Variants in HIBCH observed in about 807,000 individuals in gnomAD.
The protein encoded by HIBCH is 3-hydroxyisobutyryl-CoA hydrolase, mitochondrial.
Under a neutral mutation model 58.2 loss-of-function variants are expected in HIBCH, and 50 were observed. The ratio of observed to expected loss-of-function variants is 0.86; its 90% CI spans 0.68 to 1.09. The LOEUF (loss-of-function observed/expected upper bound fraction) is 1.09, where lower values mean the gene tolerates loss of function less well. HIBCH is among the 50% of genes least tolerant of loss of function. The pLI is 0.00. For missense variants in HIBCH, 450 were observed against 449.7 expected (o/e 1.00, Z -0.01); for synonymous variants, 151 against 146.9 (o/e 1.03, Z -0.20).
intron 1 of HIBCH, among the ~76,000 whole-genome samples, chr2:190,318,488 G>C (rs1274497050): frequency 6.6e-6 from 1 of 152,026 alleles, no homozygotes; most frequent in Non-Finnish European, 1.5e-5. Context: ...GACCATCTTG[G>C]CCTCTGCTTT....
At chr2:190,231,272 A>G (rs1686087764) in intron 11 of HIBCH, among the ~76,000 whole-genome samples, 1 of 152,262 alleles carries the variant, frequency 6.6e-6, no homozygotes, top group South Asian at 2.1e-4. Flanking sequence ...TCCAGAAGAA[A>G]GCACAGGAAG....
At chr2:190,303,644 T>C (rs1302064913) in intron 2 of HIBCH, among the ~76,000 whole-genome samples, 2 of 152,188 alleles carry the variant, frequency 1.3e-5, no homozygotes, top group Admixed American at 6.5e-5. Context: ...GAATTCTAAA[T>C]GACATATGTA....
intron 6 of HIBCH, among the ~76,000 whole-genome samples, chr2:190,280,463 A>AG (rs1384173595): frequency 6.6e-6 from 1 of 152,196 alleles, no homozygotes; most frequent in Non-Finnish European, 1.5e-5. Flanking sequence ...CGCAGCTGGC[A>AG]GCAGGGAAAG....
In HIBCH at chr2:190,216,838, C is replaced by A. The variant is rs1015024340; in HGVS notation, c.892-3763G>T. Reference sequence around the variant, plus strand: ...GAGCTTGGCTGGGCTGGGGGAGGATCCCTGCAGCTGAGGAGGAGGAAAAGC... The same window carrying A: ...GAGCTTGGCTGGGCTGGGGGAGGATACCTGCAGCTGAGGAGGAGGAAAAGC... On this transcript the variant is annotated intron_variant, in intron 11 of 13. Transcript: ENST00000359678. The surrounding 1 kb of genome is among the most constrained non-coding windows in gnomAD (Gnocchi z 4.2). 6.6e-6 allele frequency among the ~76,000 whole-genome samples: 1 copy of A among 152,130 alleles called. No individual in the cohort carries two copies. The highest frequency in any genetic ancestry group is 1.5e-5 in the Non-Finnish European group (1 of 68,028).
At chr2:190,234,132 G>C (rs1686192256) in intron 11 of HIBCH, among the ~76,000 whole-genome samples, 1 of 152,172 alleles carries the variant, frequency 6.6e-6, no homozygotes, top group African/African-American at 2.4e-5. Flanking sequence ...ACTCTAGCCT[G>C]GGCAACAAGA....
At chr2:190,218,136 G>A (rs1224497632) in intron 11 of HIBCH, among the ~76,000 whole-genome samples, 2 of 148,756 alleles carry the variant, frequency 1.3e-5, no homozygotes, top group African/African-American at 5.0e-5. Context: ...CTTACCTTGT[G>A]GGAATTTACG....
chr2:190,247,593 G>GAAT (rs1405608858), intron 9 of HIBCH, among the ~76,000 whole-genome samples: 1 of 151,928 alleles, frequency 6.6e-6, no homozygotes, highest in Non-Finnish European at 1.5e-5. Flanking sequence ...GGACCTCTTG[G>GAAT]AATAATACCT....
intron 2 of HIBCH, among the ~76,000 whole-genome samples, chr2:190,305,146 G>C (rs1161938031): frequency 6.6e-6 from 1 of 152,188 alleles, no homozygotes; most frequent in African/African-American, 2.4e-5. Flanking sequence ...ATTAAAGAGT[G>C]ATTAGGTACA....
rs1224197201 is a variant in HIBCH, at chr2:190,197,080, G to A, written c.*18-7083C>T. Among the ~76,000 whole-genome samples the A allele has an allele frequency of 2.0e-5, 3 of 152,058 alleles. No individual in the cohort carries two copies. Among genetic ancestry groups the A allele is most frequent in the African/African-American group, 7.2e-5 (3 of 41,384 alleles). On this transcript the variant is annotated intron_variant, in intron 1 of 1. Transcript: ENST00000399855. This position sits in a 1 kb window ranked among gnomAD's most constrained non-coding sequence, Gnocchi z 4.0. ...AGTAGGGGCAAGGGAACTCTCTGGGGTCTCTTTTATGAGAGCACTAAAACT... is the reference window on the plus strand; with the variant it reads ...AGTAGGGGCAAGGGAACTCTCTGGGATCTCTTTTATGAGAGCACTAAAACT...
intron 6 of HIBCH, among the ~76,000 whole-genome samples, chr2:190,267,418 A>C (rs2105959915): frequency 6.6e-6 from 1 of 152,064 alleles, no homozygotes; most frequent in African/African-American, 2.4e-5. Context: ...GCTTGTCTTG[A>C]ATGCCTGACC....
chr2:190,310,995 T>C, intron 1 of HIBCH, 199 bp from the exon 2 acceptor site: 1 of 693,890 alleles, frequency 1.4e-6, no homozygotes, highest in Non-Finnish European at 2.6e-6. Context: ...TTATGGTAAC[T>C]TTATTCATAA....
rs796570955 is a variant in HIBCH at position 190,290,180 on chromosome 2, CAT to C, written c.385+223_385+224del. 5.3e-5 allele frequency among the ~76,000 whole-genome samples: 8 copies of C among 152,058 alleles called. No individual in the cohort carries two copies. The East Asian group carries it at 1.2e-3, about 22-fold the overall frequency. ...AGGCGTGAGCCACCATGCCTGGCCT[CAT>C]ATTGATTTTATAACAAATAGCAGTT... On this transcript the variant is annotated intron_variant, in intron 5 of 13. Transcript: ENST00000359678.
At chr2:190,249,880 G>T (rs1463695213) in intron 8 of HIBCH, among the ~76,000 whole-genome samples, 154 bp from the exon 9 acceptor site, 3 of 152,192 alleles carry the variant, frequency 2.0e-5, no homozygotes, top group Admixed American at 6.6e-5. Context: ...GACTTAAGTT[G>T]AATGAACAGG....
At position 190,290,477 on chromosome 2, in the gene HIBCH, C is replaced by T. The variant is rs768366710; in HGVS notation, c.313G>A (p.Glu105Lys). 3 of 1,602,742 alleles carry T rather than the reference C, an allele frequency of 1.9e-6. No individual in the cohort carries two copies. The highest frequency in any genetic ancestry group is 2.2e-5 in the South Asian group (2 of 90,824). The change falls in exon 5 of 14, where the codon GAA becomes AAA. Residue 105 changes from glutamate to lysine, a missense_variant. Coordinates refer to ENST00000359678, the MANE Select transcript of HIBCH (RefSeq NM_014362.4). ...CAGGDIRVIS[E>K]AEKAKQKIAP... ...ATCTTCTGTTTTGCCTTTTCAGCTT[C>T]CGAGATCACTAGGAAGGAAAGATTA... is the stretch of plus-strand genomic sequence containing the variant.
At chr2:190,265,101 G>A (rs1482979903) in intron 6 of HIBCH, among the ~76,000 whole-genome samples, 1 of 130,420 alleles carries the variant, frequency 7.7e-6, no homozygotes, top group Non-Finnish European at 1.5e-5. Flanking sequence ...CCAGCCTGGA[G>A]GACAGAGCAA....
chr2:190,241,810 T>C (rs1304312678), intron 11 of HIBCH, among the ~76,000 whole-genome samples: 2 of 152,174 alleles, frequency 1.3e-5, no homozygotes, highest in African/African-American at 4.8e-5. Flanking sequence ...TTCTGGATTG[T>C]ATGGTTTCTA....
In HIBCH at chr2:190,216,423, G is replaced by C. The variant is rs941903262; in HGVS notation, c.892-3348C>G. On this transcript the variant is annotated intron_variant, in intron 11 of 13. Transcript: ENST00000359678. This position sits in a 1 kb window ranked among gnomAD's most constrained non-coding sequence, Gnocchi z 4.2. Reference sequence around the variant, plus strand: ...TACTGAGAGGCTGTAAGTCCACCACGGGCAGCTGTCAGTAAGGCTGCAGAA... The same window carrying C: ...TACTGAGAGGCTGTAAGTCCACCACCGGCAGCTGTCAGTAAGGCTGCAGAA... Among the ~76,000 whole-genome samples, 1 of 152,290 alleles carries C rather than the reference G, an allele frequency of 6.6e-6. No individual in the cohort carries two copies. Among genetic ancestry groups the C allele is most frequent in the East Asian group, 1.9e-4 (1 of 5,184 alleles).
At chr2:190,278,099 T>G (rs1338183963) in intron 6 of HIBCH, among the ~76,000 whole-genome samples, 1 of 152,190 alleles carries the variant, frequency 6.6e-6, no homozygotes. Flanking sequence ...AAATTGTTCC[T>G]AAAGTGAACT....
chr2:190,303,365 T>A (rs1302444063), intron 2 of HIBCH, among the ~76,000 whole-genome samples: 4 of 151,090 alleles, frequency 2.6e-5, no homozygotes, highest in Admixed American at 2.6e-4. Flanking sequence ...GAGAAAAGGC[T>A]GATTCCAGCA....
Sources: gnomAD v4.1 joint callset for allele counts (sites outside exome capture counted in the v4.1 genomes callset) on GRCh38, gnomAD v4.1.1 for gene constraint, Gnocchi (gnomAD v3.1) non-coding constraint, MANE v1.5 for transcripts, NCBI Gene and HGNC (gene_info 2026-07-23, HGNC 2026-07-21) for gene names.